The following NEMP2 variants were observed in gnomAD, a reference collection of about 807,000 sequenced individuals.
The protein encoded by NEMP2 is nuclear envelope integral membrane protein 2.
NEMP2 carries 53 observed loss-of-function variants against 54.2 expected under a neutral mutation model. The ratio of observed to expected loss-of-function variants is 0.98; its 90% CI spans 0.78 to 1.23. NEMP2 has a LOEUF of 1.23. NEMP2 is among the 50% of genes most tolerant of loss of function. The probability of loss-of-function intolerance (pLI) is 0.00; values close to 1 mark genes in which losing one functional copy is unlikely to be tolerated. For missense variants in NEMP2, 455 were observed against 511.3 expected (o/e 0.89, Z 1.06); for synonymous variants, 197 against 190.3 (o/e 1.04, Z -0.29).
the NEMP2 span, among the ~76,000 whole-genome samples, chr2:190,623,804 T>G: frequency 6.6e-6 from 1 of 151,762 alleles, no homozygotes; most frequent in Non-Finnish European, 1.5e-5. Context: ...AAAACAAAAA[T>G]AGACAAATGG....
At chr2:190,632,754 G>A in the NEMP2 span, among the ~76,000 whole-genome samples, 1 of 152,122 alleles carries the variant, frequency 6.6e-6, no homozygotes, top group African/African-American at 2.4e-5. The surrounding 1 kb of genome is among the most constrained non-coding windows in gnomAD (Gnocchi z 4.8). Flanking sequence ...GGGGCAACTG[G>A]AATGACTTGG....
the NEMP2 span, among the ~76,000 whole-genome samples, chr2:190,494,823 C>G: frequency 2.8e-4 from 43 of 152,126 alleles, no homozygotes; most frequent in African/African-American, 9.6e-4. The surrounding 1 kb of genome is among the most constrained non-coding windows in gnomAD (Gnocchi z 5.7). Context: ...AAACCCTTAG[C>G]AAAATCAGCA....
chr2:190,443,765 AGAT>A, the NEMP2 span, among the ~76,000 whole-genome samples: 1 of 152,190 alleles, frequency 6.6e-6, no homozygotes, highest in African/African-American at 2.4e-5. The surrounding 1 kb of genome is among the most constrained non-coding windows in gnomAD (Gnocchi z 4.2). Flanking sequence ...GTCTTCTTAA[AGAT>A]TAGTCTAGTC....
At chr2:190,646,372 G>A in the NEMP2 span, among the ~76,000 whole-genome samples, 2,626 of 152,276 alleles carry the variant, frequency 0.017, 27 homozygotes, top group South Asian at 0.043. Flanking sequence ...GAGTCGGGAG[G>A]AGGTATTAGG....
Position 190,507,784 on chromosome 2 carries a change from G to C in NEMP2, c.*1405C>G, listed in dbSNP as rs558077437. The C allele has an allele frequency of 1.3e-5, 2 of 152,236 alleles. 1 individual carries two copies. The highest frequency in any genetic ancestry group is 4.1e-4 in the South Asian group (2 of 4,828). The allele number at this position is 152,236 out of a possible 1,614,324, so 9.4% of individuals were successfully genotyped here. A position where few individuals can be genotyped will look rare whatever the true frequency, so the allele number is the denominator to read the frequency against. On this transcript the variant is annotated 3_prime_UTR_variant, in exon 9 of 9. Coordinates refer to ENST00000409150, the MANE Select transcript of NEMP2 (RefSeq NM_001142645.2). This position sits in a 1 kb window ranked among gnomAD's most constrained non-coding sequence, Gnocchi z 4.4. The stretch of plus-strand genomic sequence containing the variant: ...ATGGATAGTCATGCTCTTTTTTCAT[G>C]ATTTAGAAAAACTACTTAATTTGGC...
the NEMP2 span, among the ~76,000 whole-genome samples, chr2:190,595,584 T>C: frequency 3.3e-5 from 5 of 151,938 alleles, no homozygotes; most frequent in Non-Finnish European, 5.9e-5. This position sits in a 1 kb window ranked among gnomAD's most constrained non-coding sequence, Gnocchi z 4.0. Context: ...TCAAAAAGTG[T>C]GCGAAGGATA....
At chr2:190,489,966 G>A in the NEMP2 span, 1 of 964,324 alleles carries the variant, frequency 1.0e-6, no homozygotes, top group Admixed American at 3.1e-5. The surrounding 1 kb of genome is among the most constrained non-coding windows in gnomAD (Gnocchi z 6.6). Flanking sequence ...GTATACAACA[G>A]GTCTGTTTGG....
chr2:190,469,288 T>A, the NEMP2 span, among the ~76,000 whole-genome samples: 2 of 152,170 alleles, frequency 1.3e-5, no homozygotes, highest in Non-Finnish European at 2.9e-5. The surrounding 1 kb of genome is among the most constrained non-coding windows in gnomAD (Gnocchi z 5.3). Flanking sequence ...TTGGGTATTA[T>A]GAGCAAGGCC....
chr2:190,475,723 T>C, the NEMP2 span, among the ~76,000 whole-genome samples: 2 of 152,168 alleles, frequency 1.3e-5, no homozygotes. Context: ...TTAAAGTTCA[T>C]ACGGAACCAA....
At chr2:190,475,035 C>G in the NEMP2 span, among the ~76,000 whole-genome samples, 21 of 152,294 alleles carry the variant, frequency 1.4e-4, no homozygotes, top group East Asian at 1.4e-3. Context: ...TAAAAACTCT[C>G]AATAAATTAG....
At chr2:190,566,854 C>T in the NEMP2 span, among the ~76,000 whole-genome samples, 1 of 152,086 alleles carries the variant, frequency 6.6e-6, no homozygotes, top group African/African-American at 2.4e-5. Context: ...ACAGGTTTTC[C>T]ATACCATACA....
the NEMP2 span, among the ~76,000 whole-genome samples, chr2:190,540,421 C>A: frequency 2.6e-5 from 4 of 151,976 alleles, no homozygotes; most frequent in Admixed American, 2.6e-4. Flanking sequence ...GTAGCTGGGA[C>A]TACAGACGCA....
chr2:190,531,202 T>C lies in NEMP2; in HGVS notation c.97+3357A>G, dbSNP rs1252986648. Among the ~76,000 whole-genome samples the C allele has an allele frequency of 2.0e-5, 3 of 152,254 alleles. No homozygotes were observed. Among genetic ancestry groups the C allele is most frequent in the Non-Finnish European group, 1.5e-5 (1 of 68,050 alleles). Reference sequence around the variant, plus strand: ...CCTGCCTAGGGAAAGCTACTGCTTCTACTTGAGGCTGAGGTATTTAATATG... The same window carrying C: ...CCTGCCTAGGGAAAGCTACTGCTTCCACTTGAGGCTGAGGTATTTAATATG... On this transcript the variant is annotated intron_variant, in intron 1 of 8. Coordinates refer to ENST00000409150, the MANE Select transcript of NEMP2 (RefSeq NM_001142645.2). The surrounding 1 kb of genome is among the most constrained non-coding windows in gnomAD (Gnocchi z 4.7).
chr2:190,441,820 C>T, the NEMP2 span, among the ~76,000 whole-genome samples: 5 of 152,148 alleles, frequency 3.3e-5, no homozygotes. Context: ...TCTCTCCTCT[C>T]TTTATTCTTC....
chr2:190,431,547 A>T, the NEMP2 span, among the ~76,000 whole-genome samples: 1 of 152,232 alleles, frequency 6.6e-6, no homozygotes, highest in Non-Finnish European at 1.5e-5. This position sits in a 1 kb window ranked among gnomAD's most constrained non-coding sequence, Gnocchi z 4.4. Context: ...CACCAAAAAA[A>T]TACGAAAACC....
chr2:190,494,756 TC>T, the NEMP2 span, among the ~76,000 whole-genome samples: 1 of 152,138 alleles, frequency 6.6e-6, no homozygotes, highest in Non-Finnish European at 1.5e-5. The surrounding 1 kb of genome is among the most constrained non-coding windows in gnomAD (Gnocchi z 5.7). Flanking sequence ...AATCACATGA[TC>T]ATCTCAGTAG....
At chr2:190,430,275 G>A in the NEMP2 span, among the ~76,000 whole-genome samples, 1 of 149,858 alleles carries the variant, frequency 6.7e-6, no homozygotes, top group Non-Finnish European at 1.5e-5. Context: ...CAGGGTCATA[G>A]GATAGTAGTG....
chr2:190,519,247 G>C lies in NEMP2; in HGVS notation c.214-64C>G. ...CTTCTCTTTTTTGTTTTGGAGACAG[G>C]GTCTCCCTCTGTTGCCCAGAATGGA... On this transcript the variant is annotated intron_variant, in intron 2 of 8. Coordinates refer to ENST00000409150, the MANE Select transcript of NEMP2 (RefSeq NM_001142645.2). This position sits in a 1 kb window ranked among gnomAD's most constrained non-coding sequence, Gnocchi z 5.4. 8.6e-7 allele frequency: 1 copy of C among 1,158,428 alleles called. No individual in the cohort carries two copies. The highest frequency in any genetic ancestry group is 1.2e-6 in the Non-Finnish European group (1 of 817,036). 71.8% of individuals were successfully genotyped at this position (1,158,428 alleles called of 1,614,324 possible).
chr2:190,430,457 AC>A, the NEMP2 span, among the ~76,000 whole-genome samples: 92 of 151,526 alleles, frequency 6.1e-4, 1 homozygote, highest in East Asian at 0.013. Context: ...CACATCTTGC[AC>A]CGCCCTTAAT....
Sources: allele counts gnomAD v4.1 joint callset (sites outside exome capture counted in the v4.1 genomes callset), GRCh38; gene constraint gnomAD v4.1.1; non-coding constraint Gnocchi (gnomAD v3.1); transcripts MANE v1.5; gene names NCBI Gene and HGNC (gene_info 2026-07-23, HGNC 2026-07-21).